IQSEC1: variants seen among roughly 807,000 people sequenced by gnomAD.
The protein encoded by IQSEC1 is IQ motif and Sec7 domain ArfGEF 1, also known as IQ motif and SEC7 domain-containing protein 1.
Under a neutral mutation model 91.0 loss-of-function variants are expected in IQSEC1, and 31 were observed. The observed-to-expected ratio is 0.34, with a 90% confidence interval of 0.26 to 0.46. IQSEC1 has a LOEUF of 0.46. IQSEC1 is among the 20% of genes least tolerant of loss of function. The pLI, the probability that IQSEC1 is intolerant of heterozygous loss-of-function variation, is 1.00. For synonymous variants in IQSEC1, 699 were observed against 662.6 expected (o/e 1.05, Z -0.84); for missense variants, 1,388 against 1,575.6 (o/e 0.88, Z 2.02).
intron 1 of IQSEC1, chr3:13,015,703 T>C: frequency 1.0e-6 from 1 of 985,328 alleles, no homozygotes. Flanking sequence ...TCCTCCCTGC[T>C]CAGTCGGCAT....
intron 2 of IQSEC1, among the ~76,000 whole-genome samples, chr3:13,161,937 C>T (rs1271690163): frequency 6.6e-6 from 1 of 152,198 alleles, no homozygotes; most frequent in Non-Finnish European, 1.5e-5. Context: ...CAGTCATGCT[C>T]ACTCCTGGGG....
chr3:13,101,547 G>A (rs1460691882), intron 2 of IQSEC1, among the ~76,000 whole-genome samples: 1 of 152,166 alleles, frequency 6.6e-6, no homozygotes, highest in East Asian at 1.9e-4. Context: ...GGGCTGGCAG[G>A]GAGAGGTGCT....
intron 1 of IQSEC1, among the ~76,000 whole-genome samples, chr3:13,199,585 G>C (rs1004113619): frequency 6.6e-6 from 1 of 152,064 alleles, no homozygotes; most frequent in Admixed American, 6.6e-5. Context: ...CCTTCCCACC[G>C]ACCAAGGCCA....
chr3:13,019,865 G>GT (rs1703322562), intron 1 of IQSEC1, among the ~76,000 whole-genome samples: 1 of 152,118 alleles, frequency 6.6e-6, no homozygotes, highest in South Asian at 2.1e-4. Context: ...AAAGCCTCCC[G>GT]TAAGGCCCCG....
chr3:13,042,392 C>T (rs1035653079), intron 1 of IQSEC1: 2 of 152,226 alleles, frequency 1.3e-5, no homozygotes, highest in Non-Finnish European at 2.9e-5. Flanking sequence ...AGCTGGACCA[C>T]GGTAACGTCT....
chr3:13,004,356 T>G (rs1246469574), intron 1 of IQSEC1, among the ~76,000 whole-genome samples: 2 of 152,146 alleles, frequency 1.3e-5, no homozygotes, highest in African/African-American at 4.8e-5. Flanking sequence ...GCAGAGATGA[T>G]CAAATCCCTG....
chr3:12,916,474 C>T (rs1696103545), intron 6 of IQSEC1, among the ~76,000 whole-genome samples: 1 of 152,224 alleles, frequency 6.6e-6, no homozygotes, highest in African/African-American at 2.4e-5. Flanking sequence ...ATGGGAAATG[C>T]AAACTCGTTT....
chr3:13,167,592 T>C (rs117914783), intron 1 of IQSEC1, among the ~76,000 whole-genome samples: 4,986 of 152,058 alleles, frequency 0.033, 104 homozygotes, highest in South Asian at 0.05. Context: ...CTGGTGGCAC[T>C]TGGGGGGGCA....
At chr3:13,000,045 G>A (rs113805540) in intron 1 of IQSEC1, among the ~76,000 whole-genome samples, 2,097 of 152,216 alleles carry the variant, frequency 0.014, 18 homozygotes, top group South Asian at 0.075. Context: ...TGCTTTTCAA[G>A]CACACTGTAC....
chr3:13,007,884 G>A (rs765679481), intron 1 of IQSEC1, among the ~76,000 whole-genome samples: 12 of 150,262 alleles, frequency 8.0e-5, no homozygotes, highest in Non-Finnish European at 1.5e-4. Flanking sequence ...CCCCCAGCAC[G>A]TCCAGCTTAC....
chr3:13,262,154 A>G (rs1401998537), intron 1 of IQSEC1, among the ~76,000 whole-genome samples: 1 of 152,204 alleles, frequency 6.6e-6, no homozygotes, highest in Non-Finnish European at 1.5e-5. Context: ...ACACTTCCCC[A>G]GGTGAACGGG....
Position 13,073,173 on chromosome 3 carries a change from G to C in IQSEC1, c.-159C>G, listed in dbSNP as rs1705493238. 2.5e-6 allele frequency: 2 copies of C among 785,424 alleles called. No individual in the cohort carries two copies. Among genetic ancestry groups the C allele is most frequent in the Non-Finnish European group, 4.1e-6 (2 of 486,854 alleles). 48.7% of individuals were successfully genotyped at this position (785,424 alleles called of 1,614,324 possible). A position where few individuals can be genotyped will look rare whatever the true frequency, so the allele number is the denominator to read the frequency against. On this transcript the variant is annotated 5_prime_UTR_variant, in exon 1 of 14. Transcript: ENST00000613206. ...CGGGGGTGGCGGGCTCCTCCAGGGA[G>C]GCTGGGGCGGGAGCGGGGGGCGGCG...
chr3:13,198,397 A>C (rs1429130861), intron 1 of IQSEC1, among the ~76,000 whole-genome samples: 1 of 152,034 alleles, frequency 6.6e-6, no homozygotes, highest in African/African-American at 2.4e-5. Context: ...TGAAGAGTGC[A>C]TACCGCGCCT....
Position 12,897,144 on chromosome 3 carries a change from G to A in IQSEC1, c.*3839C>T, listed in dbSNP as rs1693725885. The A allele has an allele frequency of 6.6e-6, 1 of 152,194 alleles. No individual in the cohort carries two copies. Among genetic ancestry groups the A allele is most frequent in the Admixed American group, 6.5e-5 (1 of 15,282 alleles). The allele number at this position is 152,194 out of a possible 1,614,324, so 9.4% of individuals were successfully genotyped here. ...GTGCCCAGAGTCACAACAAGTAATGGGGAAACTCATCAGCTGGAGATCTGG... is the reference window on the plus strand; with the variant it reads ...GTGCCCAGAGTCACAACAAGTAATGAGGAAACTCATCAGCTGGAGATCTGG... On this transcript the variant is annotated 3_prime_UTR_variant, in exon 14 of 14. Coordinates refer to ENST00000613206, the MANE Select transcript of IQSEC1 (RefSeq NM_001134382.3).
chr3:12,936,040 C>T lies in IQSEC1; in HGVS notation c.976G>A (p.Ala326Thr). 1 of 1,603,374 alleles carries T rather than the reference C, an allele frequency of 6.2e-7. No individual in the cohort carries two copies. The highest frequency in any genetic ancestry group is 8.5e-7 in the Non-Finnish European group (1 of 1,179,732). ...SDLRLRAGGA[A>T]PDYWALAHKE... ...TGGGCCAGGGCCCAGTAGTCTGGGGCTGCGCCCCCAGCCCGTAGCCGCAGG... is the reference window on the plus strand; with the variant it reads ...TGGGCCAGGGCCCAGTAGTCTGGGGTTGCGCCCCCAGCCCGTAGCCGCAGG... Residue 326 changes from alanine to threonine, a missense_variant, in exon 3 of 14, where the codon GCC (alanine) becomes ACC (threonine). By Grantham distance (58) the Ala-to-Thr change is moderately conservative (BLOSUM62 0). Coordinates refer to ENST00000613206, the MANE Select transcript of IQSEC1 (RefSeq NM_001134382.3).
intron 1 of IQSEC1, among the ~76,000 whole-genome samples, chr3:13,272,045 G>A (rs1194568645): frequency 6.6e-6 from 1 of 152,120 alleles, no homozygotes; most frequent in Non-Finnish European, 1.5e-5. Flanking sequence ...ACCCTAAAAT[G>A]GGTCTCAACA....
chr3:13,067,860 C>T (rs1160707502), intron 1 of IQSEC1, among the ~76,000 whole-genome samples: 1 of 152,246 alleles, frequency 6.6e-6, no homozygotes, highest in East Asian at 1.9e-4. Context: ...CCAAGTGAGT[C>T]AGTGCAAGGA....
intron 1 of IQSEC1, among the ~76,000 whole-genome samples, chr3:13,226,562 G>C (rs566834236): frequency 6.7e-6 from 1 of 149,716 alleles, no homozygotes; most frequent in African/African-American, 2.5e-5. Flanking sequence ...GACCAGCCTA[G>C]GCAGCATAGT....
At chr3:13,177,518 G>A (rs1299336029) in intron 1 of IQSEC1, among the ~76,000 whole-genome samples, 1 of 152,228 alleles carries the variant, frequency 6.6e-6, no homozygotes, top group Non-Finnish European at 1.5e-5. Flanking sequence ...ACACCAGCCT[G>A]AGCCAGCCAG....
Sources: gnomAD v4.1 joint callset for allele counts (sites outside exome capture counted in the v4.1 genomes callset) on GRCh38, gnomAD v4.1.1 for gene constraint, MANE v1.5 for transcripts, NCBI Gene and HGNC (gene_info 2026-07-23, HGNC 2026-07-21) for gene names.